Variants in GABRA3 observed in about 807,000 individuals in gnomAD.
GABRA3 encodes the protein gamma-aminobutyric acid receptor subunit alpha-3.
Under a neutral mutation model 30.1 loss-of-function variants are expected in GABRA3, and 10 were observed. The observed-to-expected ratio is 0.33, with a 90% CI of 0.20 to 0.56. The LOEUF is 0.56. Among genes scored for constraint, GABRA3 ranks in the 20% least tolerant of loss-of-function variants. GABRA3 has a pLI of 0.89. For missense variants in GABRA3, 233 were observed against 392.0 expected (o/e 0.59, Z 3.42); for synonymous variants, 151 against 146.8 (o/e 1.03, Z -0.21).
intron 5 of GABRA3, among the ~76,000 whole-genome samples, chrX:152,225,434 A>G (rs6627218): frequency 8.9e-3 from 49 of 5,523 alleles, no homozygotes; most frequent in South Asian, 0.018. Flanking sequence ...ACACACACGC[A>G]CACACACACA....
chrX:152,365,592 A>T (rs1462069339), intron 1 of GABRA3, among the ~76,000 whole-genome samples: 1 of 111,882 alleles, frequency 8.9e-6, no homozygotes, highest in East Asian at 2.8e-4. Flanking sequence ...ACTCTGACCC[A>T]ACAACATACC....
At chrX:152,262,730 T>G (rs1603228472) in intron 4 of GABRA3, among the ~76,000 whole-genome samples, 1 of 111,813 alleles carries the variant, frequency 8.9e-6, no homozygotes, top group East Asian at 2.8e-4. Flanking sequence ...TTCCAAACTT[T>G]CCCACATTTT....
chrX:152,421,496 T>A (rs1307724283), intron 1 of GABRA3, among the ~76,000 whole-genome samples: 1 of 111,285 alleles, frequency 9.0e-6, no homozygotes, highest in Non-Finnish European at 1.9e-5. Flanking sequence ...ATTTCTTAAA[T>A]GGAACTAAAA....
At chrX:152,414,314 A>G (rs1930151047) in intron 1 of GABRA3, among the ~76,000 whole-genome samples, 1 of 111,499 alleles carries the variant, frequency 9.0e-6, no homozygotes, top group Admixed American at 9.6e-5. Flanking sequence ...AATTACTGGT[A>G]TCAAGTACTG....
chrX:152,347,133 C>T (rs1181416594), intron 2 of GABRA3, among the ~76,000 whole-genome samples: 1 of 111,870 alleles, frequency 8.9e-6, no homozygotes, highest in Non-Finnish European at 1.9e-5. Context: ...ATATGATACA[C>T]GTACACACTG....
At chrX:152,332,295 T>G (rs1940175091) in intron 3 of GABRA3, among the ~76,000 whole-genome samples, 1 of 112,126 alleles carries the variant, frequency 8.9e-6, no homozygotes, top group Non-Finnish European at 1.9e-5. Context: ...GAAGACAGAA[T>G]GCCTACAACC....
chrX:152,186,712 C>G (rs762777749), intron 9 of GABRA3: 1 of 109,347 alleles, frequency 9.1e-6, no homozygotes, highest in African/African-American at 3.3e-5. Flanking sequence ...GTCCGAACTT[C>G]CCAAGCTCAG....
intron 1 of GABRA3, among the ~76,000 whole-genome samples, chrX:152,431,033 T>C (rs1377984925): frequency 7.2e-5 from 8 of 111,378 alleles, no homozygotes; most frequent in African/African-American, 2.0e-4. Flanking sequence ...TGGATGAAAA[T>C]AGATCCACAA....
intron 9 of GABRA3, 91 bp downstream of exon 9, chrX:152,189,639 C>T (rs1384034974): frequency 4.8e-6 from 3 of 630,798 alleles, no homozygotes; most frequent in Non-Finnish European, 7.5e-6. Flanking sequence ...CATAGCCCTG[C>T]CCAGTTCTTG....
At chrX:152,421,129 ACAC>A (rs1246256147) in intron 1 of GABRA3, among the ~76,000 whole-genome samples, 2 of 107,757 alleles carry the variant, frequency 1.9e-5, no homozygotes, top group African/African-American at 6.9e-5. Context: ...ACACACACAC[ACAC>A]AAGGCACCTA....
chrX:152,385,478 C>G (rs1171622826), intron 1 of GABRA3, among the ~76,000 whole-genome samples: 1 of 111,847 alleles, frequency 8.9e-6, no homozygotes, highest in Non-Finnish European at 1.9e-5. Context: ...TCTCACAAAC[C>G]TAACATTAAA....
At chrX:152,240,658 A>C (rs1267930829) in intron 5 of GABRA3, among the ~76,000 whole-genome samples, 1 of 98,896 alleles carries the variant, frequency 1.0e-5, no homozygotes, top group Non-Finnish European at 2.0e-5. Context: ...TGGTCTTTTC[A>C]CATAGTCCCA....
chrX:152,194,786 G>T (rs1184288480), intron 8 of GABRA3, among the ~76,000 whole-genome samples: 1 of 110,901 alleles, frequency 9.0e-6, no homozygotes, highest in Non-Finnish European at 1.9e-5. Flanking sequence ...TTGAGACAGG[G>T]TCTCACTCTG....
chrX:152,415,489 T>C (rs755549446), intron 1 of GABRA3, among the ~76,000 whole-genome samples: 287 of 111,077 alleles, frequency 2.6e-3, no homozygotes, highest in Non-Finnish European at 3.8e-3. Context: ...AGGAGTAACA[T>C]GAGGGGTTTT....
intron 5 of GABRA3, among the ~76,000 whole-genome samples, chrX:152,244,391 C>A (rs1938429222): frequency 8.9e-6 from 1 of 111,786 alleles, no homozygotes; most frequent in Non-Finnish European, 1.9e-5. Flanking sequence ...GTCAGGAGGG[C>A]TCTGTCCTCT....
chrX:152,385,634 T>C (rs1425928672), intron 1 of GABRA3, among the ~76,000 whole-genome samples: 1 of 112,048 alleles, frequency 8.9e-6, no homozygotes, highest in Non-Finnish European at 1.9e-5. Context: ...TTGTTGCCAT[T>C]GCTTTTGGTG....
chrX:152,441,256 A>G (rs1194135395), intron 1 of GABRA3, among the ~76,000 whole-genome samples: 1 of 111,267 alleles, frequency 9.0e-6, no homozygotes, highest in African/African-American at 3.3e-5. Context: ...AATAAATCTG[A>G]CTAAAAAATA....
chrX:152,368,424 C>T (rs1387579269), intron 1 of GABRA3, among the ~76,000 whole-genome samples: 1 of 111,309 alleles, frequency 9.0e-6, no homozygotes, highest in Non-Finnish European at 1.9e-5. Flanking sequence ...TTTCACTTAA[C>T]ATAATGTACT....
chrX:152,409,283 T>C (rs1445433698), intron 1 of GABRA3, among the ~76,000 whole-genome samples: 1 of 111,479 alleles, frequency 9.0e-6, no homozygotes, highest in Non-Finnish European at 1.9e-5. Flanking sequence ...GAGTTTGAGG[T>C]TATAGTGAGC....
Sources: allele counts gnomAD v4.1 joint callset (sites outside exome capture counted in the v4.1 genomes callset), GRCh38; gene constraint gnomAD v4.1.1; transcripts MANE v1.5; gene names NCBI Gene and HGNC (gene_info 2026-07-23, HGNC 2026-07-21).